The following NCALD variants were observed in gnomAD, a reference collection of about 807,000 sequenced individuals.
NCALD encodes the protein neurocalcin delta, also known as neurocalcin-delta.
A neutral mutation model predicts 18.6 loss-of-function variants in NCALD; 10 were observed. The observed-to-expected ratio is 0.54, with a 90% CI of 0.33 to 0.91. The LOEUF (loss-of-function observed/expected upper bound fraction) is 0.91. NCALD is among the 40% of genes least tolerant of loss of function. NCALD has a pLI of 0.03. For synonymous variants in NCALD, 88 were observed against 87.4 expected, an observed-to-expected ratio of 1.01 and a Z score of -0.04; for missense variants, 184 against 247.6, an observed-to-expected ratio of 0.74 and a Z score of 1.72.
chr8:101,805,354 C>T (rs920773012), intron 4 of NCALD, among the ~76,000 whole-genome samples: 1 of 152,268 alleles, frequency 6.6e-6, no homozygotes, highest in Middle Eastern at 3.4e-3. Flanking sequence ...AGGTAGGACA[C>T]CAGCCTTTCT....
intron 4 of NCALD, among the ~76,000 whole-genome samples, chr8:101,824,632 G>A (rs1370073631): frequency 1.3e-5 from 2 of 151,966 alleles, no homozygotes; most frequent in African/African-American, 4.8e-5. Context: ...TTCCAGCAGC[G>A]TGGAAGTCTT....
At chr8:101,928,380 G>A (rs1015855366) in intron 2 of NCALD, among the ~76,000 whole-genome samples, 3 of 151,990 alleles carry the variant, frequency 2.0e-5, no homozygotes, top group South Asian at 2.1e-4. Flanking sequence ...AATAATGTAT[G>A]CTACAGAAGT....
chr8:101,690,026 A>AC (rs1814647024), intron 3 of NCALD, among the ~76,000 whole-genome samples: 2 of 152,052 alleles, frequency 1.3e-5, no homozygotes, highest in Admixed American at 6.6e-5. Flanking sequence ...GCAGAGGGTA[A>AC]CCCATGGGTT....
chr8:101,691,333 G>T, intron 3 of NCALD: 1 of 985,330 alleles, frequency 1.0e-6, no homozygotes, highest in Non-Finnish European at 1.2e-6. Flanking sequence ...CAGGTCTTTA[G>T]CAGTAAGTTG....
intron 1 of NCALD, among the ~76,000 whole-genome samples, chr8:102,060,751 T>C (rs532068457): frequency 2.0e-5 from 3 of 152,218 alleles, no homozygotes; most frequent in Admixed American, 1.3e-4. Context: ...TCCCGAGTAC[T>C]TCAGGCTTTA....
At chr8:102,027,758 C>T (rs1822512093) in intron 1 of NCALD, among the ~76,000 whole-genome samples, 1 of 152,192 alleles carries the variant, frequency 6.6e-6, no homozygotes, top group African/African-American at 2.4e-5. Context: ...TTAATTGACT[C>T]ACAGTTATGC....
intron 1 of NCALD, among the ~76,000 whole-genome samples, chr8:102,120,716 C>T (rs1207195709): frequency 6.6e-6 from 1 of 152,266 alleles, no homozygotes; most frequent in Non-Finnish European, 1.5e-5. Flanking sequence ...GTTCCTGACA[C>T]AACAGAATTG....
chr8:101,999,394 T>C (rs559502165), intron 2 of NCALD, among the ~76,000 whole-genome samples: 3 of 152,202 alleles, frequency 2.0e-5, no homozygotes, highest in Non-Finnish European at 4.4e-5. Flanking sequence ...TTGGAGACCA[T>C]TATTCTAAGT....
At chr8:101,690,028 C>T (rs1814647238) in intron 3 of NCALD, among the ~76,000 whole-genome samples, 1 of 152,170 alleles carries the variant, frequency 6.6e-6, no homozygotes, top group African/African-American at 2.4e-5. Context: ...AGAGGGTAAC[C>T]CATGGGTTTC....
chr8:102,008,064 T>C (rs1308171476), intron 2 of NCALD, among the ~76,000 whole-genome samples: 1 of 152,258 alleles, frequency 6.6e-6, no homozygotes, highest in East Asian at 1.9e-4. Context: ...ACATTTTCTA[T>C]GCCTTTGGCA....
intron 4 of NCALD, among the ~76,000 whole-genome samples, chr8:101,814,803 A>G (rs1222048655): frequency 1.3e-5 from 2 of 152,104 alleles, no homozygotes; most frequent in East Asian, 1.9e-4. Flanking sequence ...CCACCAATGA[A>G]CAAACAAAAT....
intron 3 of NCALD, among the ~76,000 whole-genome samples, chr8:101,912,352 T>A (rs1022835294): frequency 6.6e-6 from 1 of 152,110 alleles, no homozygotes; most frequent in Non-Finnish European, 1.5e-5. Flanking sequence ...GTTATTAAGG[T>A]GTACAGACAT....
intron 2 of NCALD, among the ~76,000 whole-genome samples, chr8:101,963,950 G>A (rs1159757013): frequency 6.6e-6 from 1 of 152,048 alleles, no homozygotes; most frequent in Non-Finnish European, 1.5e-5. Flanking sequence ...GAAATGACCA[G>A]CCTCTTATAC....
intron 1 of NCALD, among the ~76,000 whole-genome samples, chr8:102,052,822 G>A (rs1009505329): frequency 6.6e-6 from 1 of 152,210 alleles, no homozygotes; most frequent in Non-Finnish European, 1.5e-5. Context: ...AAATGAATCA[G>A]TGTGGCTGTG....
chr8:101,780,689 C>T (rs1427345418), intron 1 of NCALD, among the ~76,000 whole-genome samples: 2 of 151,968 alleles, frequency 1.3e-5, no homozygotes, highest in East Asian at 1.9e-4. Context: ...TGAACTGAAA[C>T]GTACACATAA....
intron 1 of NCALD, among the ~76,000 whole-genome samples, chr8:102,029,388 A>G (rs539565262): frequency 6.6e-6 from 1 of 152,352 alleles, no homozygotes; most frequent in Admixed American, 6.5e-5. Flanking sequence ...TGAAAGCCAG[A>G]GAATCAGATC....
At chr8:101,708,547 T>C (rs1815636222) in intron 2 of NCALD, among the ~76,000 whole-genome samples, 1 of 152,190 alleles carries the variant, frequency 6.6e-6, no homozygotes, top group Non-Finnish European at 1.5e-5. Flanking sequence ...TAGCCAACAA[T>C]TATTGAGTGA....
At chr8:101,961,274 A>G (rs545161944) in intron 2 of NCALD, among the ~76,000 whole-genome samples, 2 of 152,188 alleles carry the variant, frequency 1.3e-5, no homozygotes, top group Non-Finnish European at 2.9e-5. Context: ...ATTGTGGTAT[A>G]ATAAAAAATA....
intron 1 of NCALD, among the ~76,000 whole-genome samples, chr8:102,099,993 AAAG>A (rs1554596972): frequency 2.0e-5 from 1 of 50,282 alleles, no homozygotes; most frequent in African/African-American, 7.3e-5. Context: ...AAAAAAAAAA[AAAG>A]AAGAAGAAGA....
Sources: allele counts gnomAD v4.1 joint callset (sites outside exome capture counted in the v4.1 genomes callset), GRCh38; gene constraint gnomAD v4.1.1; transcripts MANE v1.5; gene names NCBI Gene and HGNC (gene_info 2026-07-23, HGNC 2026-07-21).